VRK2: variants seen among roughly 807,000 people sequenced by gnomAD.
VRK2 encodes the protein VRK serine/threonine kinase 2, also known as serine/threonine-protein kinase VRK2.
Under a neutral mutation model 57.6 loss-of-function variants are expected in VRK2, and 60 were observed. The ratio of observed to expected loss-of-function variants is 1.04; its 90% CI spans 0.85 to 1.29. The LOEUF (loss-of-function observed/expected upper bound fraction) is 1.29, where lower values mean the gene tolerates loss of function less well. Among genes scored for constraint, VRK2 ranks in the 50% most tolerant of loss-of-function variants. The pLI is 0.00. For missense variants in VRK2, 705 were observed against 588.1 expected (o/e 1.20, Z -2.06); for synonymous variants, 231 against 199.2 (o/e 1.16, Z -1.35).
chr2:58,069,238 G>A (rs192715735), intron 2 of VRK2, among the ~76,000 whole-genome samples: 13 of 152,288 alleles, frequency 8.5e-5, no homozygotes, highest in East Asian at 7.7e-4. Flanking sequence ...TACAGTGTTC[G>A]TTTAGTTTTC....
At chr2:57,962,740 A>T (rs1256683169) in intron 1 of VRK2, among the ~76,000 whole-genome samples, 2 of 152,232 alleles carry the variant, frequency 1.3e-5, no homozygotes, top group East Asian at 3.8e-4. Context: ...TTATGGCAGA[A>T]ATGTAAGAAA....
intron 12 of VRK2, among the ~76,000 whole-genome samples, chr2:58,158,366 AT>A (rs904165020): frequency 2.0e-5 from 3 of 152,122 alleles, no homozygotes; most frequent in African/African-American, 4.8e-5. Flanking sequence ...CTCTCAAGTA[AT>A]TTTTTTTCAT....
At chr2:57,981,072 T>C (rs1672409168) in intron 1 of VRK2, among the ~76,000 whole-genome samples, 1 of 152,212 alleles carries the variant, frequency 6.6e-6, no homozygotes, top group African/African-American at 2.4e-5. Context: ...CCTGTCATTG[T>C]GTTCTTATTA....
In VRK2 at chr2:57,970,940, A is replaced by G. The variant is rs1672077418; in HGVS notation, c.-438-54725A>G. On this transcript the variant is annotated intron_variant, in intron 1 of 15. Coordinates refer to the VRK2 transcript ENST00000417641. ...TCCTTTTTTGTTTTTCTTGCTATTTATTTGTTAAAGAGACTATAGAGCTTT... is the reference window on the plus strand; with the variant it reads ...TCCTTTTTTGTTTTTCTTGCTATTTGTTTGTTAAAGAGACTATAGAGCTTT... Among the ~76,000 whole-genome samples the G allele has an allele frequency of 2.6e-5, 4 of 151,944 alleles. No individual in the cohort carries two copies. The South Asian group carries it at 8.3e-4, about 32-fold the overall frequency.
intron 1 of VRK2, among the ~76,000 whole-genome samples, chr2:57,972,563 T>C (rs1672128373): frequency 6.6e-6 from 1 of 151,912 alleles, no homozygotes; most frequent in Admixed American, 6.6e-5. Context: ...AGTGATTAGT[T>C]TCTGGGAGAT....
At chr2:58,027,337 T>C (rs1479718088) in intron 2 of VRK2, among the ~76,000 whole-genome samples, 1 of 152,096 alleles carries the variant, frequency 6.6e-6, no homozygotes, top group Non-Finnish European at 1.5e-5. Flanking sequence ...ATTCAAATTA[T>C]ATCCAGGGAA....
upstream of VRK2, among the ~76,000 whole-genome samples, chr2:58,045,617 T>A (rs1674682457): frequency 6.6e-6 from 1 of 152,202 alleles, no homozygotes; most frequent in African/African-American, 2.4e-5. Context: ...TTTTTGTTTG[T>A]TTTTAGAAAC....
At position 58,070,211 on chromosome 2, in the gene VRK2, T is replaced by A. The variant is rs373296364; in HGVS notation, c.137-13878T>A. Among the ~76,000 whole-genome samples the A allele has an allele frequency of 1.3e-4, 20 of 152,268 alleles. No homozygotes were observed. In the East Asian group the frequency reaches 3.7e-3, roughly 28 times the overall value. ...CTCATTAGTTGTGTTGTATAATTTT[T>A]TTGTTGTTATTTGTTTTTTCTTGAG... On this transcript the variant is annotated intron_variant, in intron 2 of 12. Transcript: ENST00000340157.
intron 1 of VRK2, among the ~76,000 whole-genome samples, chr2:57,989,727 TTTTA>T (rs1286467583): frequency 2.6e-5 from 4 of 152,196 alleles, no homozygotes; most frequent in African/African-American, 7.2e-5. Context: ...ATAAATGCAT[TTTTA>T]TTTGTTTTAG....
chr2:57,975,120 C>A (rs929457911), intron 1 of VRK2, among the ~76,000 whole-genome samples: 1 of 151,556 alleles, frequency 6.6e-6, no homozygotes, highest in Admixed American at 6.6e-5. Flanking sequence ...CATAGACAAC[C>A]CTTAACATTT....
chr2:58,126,969 A>G (rs1218995368), intron 8 of VRK2, among the ~76,000 whole-genome samples: 1 of 152,054 alleles, frequency 6.6e-6, no homozygotes, highest in South Asian at 2.1e-4. Context: ...CTCTAGAGAT[A>G]TACTGCATTT....
chr2:57,951,045 T>C (rs960524766), intron 1 of VRK2, among the ~76,000 whole-genome samples: 5 of 152,192 alleles, frequency 3.3e-5, no homozygotes, highest in Non-Finnish European at 2.9e-5. Context: ...TGAGCCGAGA[T>C]TGCAGCACTG....
chr2:57,946,052 T>C (rs1671252064), intron 1 of VRK2, among the ~76,000 whole-genome samples: 1 of 152,166 alleles, frequency 6.6e-6, no homozygotes, highest in South Asian at 2.1e-4. Context: ...GAGTATTATC[T>C]ATATATTTTG....
At chr2:58,070,380 A>G (rs533868563) in intron 2 of VRK2, among the ~76,000 whole-genome samples, 3 of 152,148 alleles carry the variant, frequency 2.0e-5, no homozygotes, top group South Asian at 4.1e-4. Context: ...GGGTTTTGGT[A>G]TATGCATAAT....
At chr2:58,016,513 C>A (rs112992623) in intron 1 of VRK2, among the ~76,000 whole-genome samples, 1 of 151,916 alleles carries the variant, frequency 6.6e-6, no homozygotes, top group African/African-American at 2.4e-5. Flanking sequence ...CCACCATACC[C>A]GGCTAAGTTT....
chr2:58,066,051 A>T (rs115155457), intron 2 of VRK2, among the ~76,000 whole-genome samples: 1 of 152,178 alleles, frequency 6.6e-6, no homozygotes, highest in Non-Finnish European at 1.5e-5. Flanking sequence ...CAATCACATC[A>T]TCTGGAGATA....
At chr2:58,137,663 A>G (rs1573346224) in intron 10 of VRK2, among the ~76,000 whole-genome samples, 1 of 152,296 alleles carries the variant, frequency 6.6e-6, no homozygotes, top group South Asian at 2.1e-4. Flanking sequence ...TATGAAATAA[A>G]ACAGCCAGAA....
intron 10 of VRK2, among the ~76,000 whole-genome samples, chr2:58,138,632 G>A (rs1020818593): frequency 3.9e-5 from 6 of 152,086 alleles, no homozygotes; most frequent in Admixed American, 3.3e-4. Flanking sequence ...AGTGGAGGTA[G>A]GCCTAGAGGG....
In VRK2 at chr2:57,929,417, G is replaced by C. The variant is rs115731697; in HGVS notation, c.-439+21578G>C. ...CCACGTGTTCTTTAGTCAGCTTTTG[G>C]TGATTGCCTCCAGGCCTAGGACCCT... On this transcript the variant is annotated intron_variant, in intron 1 of 15. Transcript: ENST00000417641. Among the ~76,000 whole-genome samples, 1,131 of 152,124 alleles carry C rather than the reference G, an allele frequency of 7.4e-3. 19 individuals carry two copies. The highest frequency in any genetic ancestry group is 0.025 in the African/African-American group (1,031 of 41,498).
Sources: allele counts gnomAD v4.1 joint callset (sites outside exome capture counted in the v4.1 genomes callset), GRCh38; gene constraint gnomAD v4.1.1; transcripts MANE v1.5; gene names NCBI Gene and HGNC (gene_info 2026-07-23, HGNC 2026-07-21).